DNAH6: variants seen among roughly 807,000 people sequenced by gnomAD.
DNAH6 encodes dynein axonemal heavy chain 6.
A neutral mutation model predicts 491.4 loss-of-function variants in DNAH6; 340 were observed. That is an observed-to-expected ratio of 0.69 (90% confidence interval 0.63 to 0.76). The LOEUF (loss-of-function observed/expected upper bound fraction) is 0.76. DNAH6 is among the 30% of genes least tolerant of loss of function. DNAH6 has a pLI of 0.00. For synonymous variants in DNAH6, 1,603 were observed against 1,686.1 expected, an observed-to-expected ratio of 0.95 and a Z score of 1.21; for missense variants, 4,443 against 4,972.2, an observed-to-expected ratio of 0.89 and a Z score of 3.20.
intron 4 of DNAH6, among the ~76,000 whole-genome samples, chr2:84,536,021 C>T (rs376090877): frequency 1.1e-4 from 17 of 152,082 alleles, no homozygotes; most frequent in African/African-American, 4.1e-4. Flanking sequence ...TGCAGAGGGA[C>T]TTCCATATGT....
intron 22 of DNAH6, among the ~76,000 whole-genome samples, chr2:84,615,776 A>T (rs1259521132): frequency 3.4e-5 from 5 of 148,734 alleles, no homozygotes; most frequent in African/African-American, 9.8e-5. Flanking sequence ...ATTTCTAAGT[A>T]TTTTTTTTTT....
chr2:84,539,288 A>G (rs368010331), intron 4 of DNAH6, among the ~76,000 whole-genome samples: 110 of 152,238 alleles, frequency 7.2e-4, no homozygotes, highest in African/African-American at 2.5e-3. Context: ...TAGACTCCAG[A>G]TTGTCTCCCT....
At chr2:84,494,119 A>C in the DNAH6 span, among the ~76,000 whole-genome samples, 5 of 152,124 alleles carry the variant, frequency 3.3e-5, no homozygotes, top group African/African-American at 4.8e-5. Flanking sequence ...TTGTGAAAGG[A>C]TGTGGTCCTA....
In DNAH6 at chr2:84,658,336, T is replaced by A; in HGVS notation, c.5802T>A (p.Arg1934=). 6.5e-7 allele frequency: 1 copy of A among 1,544,692 alleles called. No homozygotes were observed. The highest frequency in any genetic ancestry group is 1.4e-5 in the African/African-American group (1 of 72,810). ...AATATATATTGAATCTTTTCCAACG[T>A]TATGTTGATGAAGGTTTACATTTTA... ...TQEYILNLFQ[R]YVDEGLHFIN... is the part of the protein sequence containing the mutation. Residue 1934 remains arginine (R), a synonymous_variant, in exon 36 of 77, where the codon CGT becomes CGA. Transcript: ENST00000389394.
intron 4 of DNAH6, among the ~76,000 whole-genome samples, chr2:84,534,105 C>T (rs1188952130): frequency 1.3e-5 from 2 of 151,904 alleles, no homozygotes; most frequent in Non-Finnish European, 2.9e-5. Flanking sequence ...ACAAAATTTA[C>T]ATAACACTGA....
intron 61 of DNAH6, 116 bp from the exon 62 acceptor site, chr2:84,733,328 C>T: frequency 1.2e-6 from 1 of 843,252 alleles, no homozygotes; most frequent in Non-Finnish European, 1.9e-6. Flanking sequence ...ACTACTTGTC[C>T]TAGGAAAATG....
At chr2:84,484,503 G>A in the DNAH6 span, among the ~76,000 whole-genome samples, 2 of 152,180 alleles carry the variant, frequency 1.3e-5, no homozygotes, top group African/African-American at 4.8e-5. Context: ...TTTCTCTACT[G>A]GAGGTTGTGG....
intron 29 of DNAH6, among the ~76,000 whole-genome samples, chr2:84,632,139 C>T (rs1035245577): frequency 6.6e-6 from 1 of 152,168 alleles, no homozygotes; most frequent in Non-Finnish European, 1.5e-5. Flanking sequence ...ATTTGTTAAC[C>T]AGTCAGTCAT....
chr2:84,635,375 A>G (rs1185203589), intron 30 of DNAH6, among the ~76,000 whole-genome samples: 1 of 152,180 alleles, frequency 6.6e-6, no homozygotes, highest in Non-Finnish European at 1.5e-5. Flanking sequence ...TAATAGGTGA[A>G]AAGAATTCAA....
chr2:84,796,442 T>C lies in DNAH6; in HGVS notation c.11359+17T>C. 4 of 1,490,048 alleles carry C rather than the reference T, an allele frequency of 2.7e-6. No individual in the cohort carries two copies. Among genetic ancestry groups the C allele is most frequent in the Non-Finnish European group, 3.6e-6 (4 of 1,115,336 alleles). The allele number at this position is 1,490,048 out of a possible 1,614,324, so 92.3% of individuals were successfully genotyped here. On this transcript the variant is annotated intron_variant, in intron 69 of 76. Coordinates refer to ENST00000389394, the MANE Select transcript of DNAH6 (RefSeq NM_001370.2). ...CTGAATCAGGTGAATGACTTTTCAA[T>C]ATTACAGAAAAGGCCTTTCCCAAGA...
At chr2:84,632,682 C>T (rs1216910921) in intron 29 of DNAH6, among the ~76,000 whole-genome samples, 1 of 152,152 alleles carries the variant, frequency 6.6e-6, no homozygotes, top group Non-Finnish European at 1.5e-5. Context: ...TAGTCCTGTC[C>T]ATGCTATCAT....
intron 68 of DNAH6, among the ~76,000 whole-genome samples, chr2:84,795,671 A>G (rs1346172266): frequency 8.5e-5 from 13 of 152,326 alleles, no homozygotes; most frequent in African/African-American, 2.6e-4. Flanking sequence ...TAAAGAAATT[A>G]TATCAGCAAT....
At chr2:84,532,249 C>G (rs551490474) in intron 4 of DNAH6, among the ~76,000 whole-genome samples, 3 of 152,202 alleles carry the variant, frequency 2.0e-5, no homozygotes, top group Admixed American at 6.5e-5. Context: ...ATGTTTTATA[C>G]TTTTTTGGAC....
intron 41 of DNAH6, among the ~76,000 whole-genome samples, chr2:84,680,572 G>A (rs1181585678): frequency 6.6e-6 from 1 of 151,992 alleles, no homozygotes; most frequent in Non-Finnish European, 1.5e-5. Flanking sequence ...AGCAGTGCAG[G>A]GGCCTGAGGT....
chr2:84,781,161 C>T (rs139994492), intron 64 of DNAH6, among the ~76,000 whole-genome samples: 2 of 152,016 alleles, frequency 1.3e-5, no homozygotes, highest in East Asian at 3.9e-4. Flanking sequence ...TAATGATTAC[C>T]TGTGGGAAGA....
chr2:84,784,909 A>G (rs951363080), intron 66 of DNAH6, 99 bp downstream of exon 66: 8 of 823,930 alleles, frequency 9.7e-6, no homozygotes, highest in Non-Finnish European at 1.5e-5. Flanking sequence ...AAGCATGTGG[A>G]GGTCTGTGTG....
intron 57 of DNAH6, among the ~76,000 whole-genome samples, chr2:84,714,686 G>A (rs143597819): frequency 9.2e-5 from 14 of 151,782 alleles, no homozygotes; most frequent in Non-Finnish European, 1.6e-4. Context: ...TGTGACCAAC[G>A]TGCCAACTTT....
chr2:84,486,432 C>T, the DNAH6 span, among the ~76,000 whole-genome samples: 1 of 152,196 alleles, frequency 6.6e-6, no homozygotes, highest in African/African-American at 2.4e-5. Context: ...TGCAGACTGC[C>T]TGCCTGACTT....
chr2:84,631,111 G>C (rs750387905), intron 29 of DNAH6, among the ~76,000 whole-genome samples: 21 of 152,046 alleles, frequency 1.4e-4, no homozygotes, highest in African/African-American at 4.8e-4. Context: ...GCTGAGAGCC[G>C]ACCTGACTCA....
Sources: allele counts gnomAD v4.1 joint callset (sites outside exome capture counted in the v4.1 genomes callset), GRCh38; gene constraint gnomAD v4.1.1; transcripts MANE v1.5; gene names NCBI Gene and HGNC (gene_info 2026-07-23, HGNC 2026-07-21).